TMEM132C: variants seen among roughly 807,000 people sequenced by gnomAD.
TMEM132C encodes protein phosphatase 1, regulatory subunit 152.
In TMEM132C, 29 loss-of-function variants were observed where a neutral mutation model predicts 61.4. The observed-to-expected ratio is 0.47, with a 90% CI of 0.35 to 0.64. The LOEUF (loss-of-function observed/expected upper bound fraction) is 0.64. Ranked by LOEUF, TMEM132C falls within the 30% of genes least tolerant of loss-of-function variation. The pLI, the probability that TMEM132C is intolerant of heterozygous loss-of-function variation, is 0.00. For missense variants in TMEM132C, 1,408 were observed against 1,476.9 expected, an observed-to-expected ratio of 0.95 and a Z score of 0.76; for synonymous variants, 656 against 633.1, an observed-to-expected ratio of 1.04 and a Z score of -0.54.
chr12:128,359,386 A>G (rs773926396), intron 1 of TMEM132C, among the ~76,000 whole-genome samples: 4 of 152,224 alleles, frequency 2.6e-5, no homozygotes, highest in African/African-American at 9.6e-5. Flanking sequence ...CTTATTCACT[A>G]CCATGAGACC....
At chr12:128,526,873 A>G (rs939958610) in intron 2 of TMEM132C, among the ~76,000 whole-genome samples, 4 of 152,154 alleles carry the variant, frequency 2.6e-5, no homozygotes, top group African/African-American at 2.4e-5. Flanking sequence ...GGACTGCAAA[A>G]TGAGGCCAGA....
chr12:128,551,483 A>C (rs1224049963), intron 3 of TMEM132C, among the ~76,000 whole-genome samples: 1 of 152,156 alleles, frequency 6.6e-6, no homozygotes, highest in African/African-American at 2.4e-5. Context: ...AGGTCTGAGC[A>C]TCTCGGCAGT....
At chr12:128,564,566 A>G (rs1874633625) in intron 3 of TMEM132C, among the ~76,000 whole-genome samples, 1 of 152,212 alleles carries the variant, frequency 6.6e-6, no homozygotes, top group African/African-American at 2.4e-5. Flanking sequence ...ACCCTGAGAT[A>G]TGGGTACGAT....
intron 1 of TMEM132C, among the ~76,000 whole-genome samples, chr12:128,379,869 TCAGAGTA>T (rs1255608907): frequency 1.3e-5 from 2 of 152,230 alleles, no homozygotes; most frequent in Non-Finnish European, 2.9e-5. Flanking sequence ...TCTTCTGTGG[TCAGAGTA>T]CAGAGTTCTG....
intron 1 of TMEM132C, among the ~76,000 whole-genome samples, chr12:128,331,948 G>A (rs906152378): frequency 2.0e-5 from 3 of 152,182 alleles, no homozygotes; most frequent in Admixed American, 2.0e-4. Context: ...TAGGCATACA[G>A]AGTATCATAC....
At chr12:128,587,851 AAAGT>A (rs1158695184) in intron 3 of TMEM132C, among the ~76,000 whole-genome samples, 1 of 152,250 alleles carries the variant, frequency 6.6e-6, no homozygotes, top group Non-Finnish European at 1.5e-5. Context: ...GAGAAAACAC[AAAGT>A]AAGTAACAGA....
chr12:128,436,500 C>T (rs541076607), intron 2 of TMEM132C, among the ~76,000 whole-genome samples: 1 of 152,196 alleles, frequency 6.6e-6, no homozygotes, highest in Non-Finnish European at 1.5e-5. Context: ...TGAACAGACA[C>T]TTCTCAAAAG....
At chr12:128,384,512 C>T (rs1874516385) in intron 1 of TMEM132C, among the ~76,000 whole-genome samples, 1 of 152,132 alleles carries the variant, frequency 6.6e-6, no homozygotes, top group Non-Finnish European at 1.5e-5. Context: ...GCAAAGTTTC[C>T]AGGATTCAAA....
rs114903079 is a variant in TMEM132C, at chr12:128,667,869, C to T, written c.1306-1548C>T. 4.9e-3 allele frequency among the ~76,000 whole-genome samples: 749 copies of T among 152,308 alleles called. 11 individuals carry two copies. Among genetic ancestry groups the T allele is most frequent in the African/African-American group, 0.016 (681 of 41,568 alleles). On this transcript the variant is annotated intron_variant, in intron 4 of 8. Coordinates refer to ENST00000435159, the MANE Select transcript of TMEM132C (RefSeq NM_001136103.3). ...GAGAGGTGTGACACTAATAGTTTTGCGTGAAGTCGTCTGAGCAGGATAAAT... is the reference window on the plus strand; with the variant it reads ...GAGAGGTGTGACACTAATAGTTTTGTGTGAAGTCGTCTGAGCAGGATAAAT...
intron 1 of TMEM132C, among the ~76,000 whole-genome samples, chr12:128,383,212 A>T (rs1478790349): frequency 6.6e-6 from 1 of 152,088 alleles, no homozygotes; most frequent in Non-Finnish European, 1.5e-5. Flanking sequence ...ACATGTGTGT[A>T]TGAGCATATA....
intron 4 of TMEM132C, among the ~76,000 whole-genome samples, chr12:128,634,982 C>T (rs1251159201): frequency 6.6e-6 from 1 of 152,194 alleles, no homozygotes; most frequent in African/African-American, 2.4e-5. Flanking sequence ...AACTGTCAGG[C>T]AGCTGTAGGG....
At chr12:128,330,936 G>A (rs892357586) in intron 1 of TMEM132C, among the ~76,000 whole-genome samples, 1 of 152,140 alleles carries the variant, frequency 6.6e-6, no homozygotes, top group Non-Finnish European at 1.5e-5. Flanking sequence ...ATAGCATAGT[G>A]AATGAGATAA....
Position 128,558,331 on chromosome 12 carries a change from C to T in TMEM132C, c.1121+14228C>T, listed in dbSNP as rs150390912. 1.9e-3 allele frequency among the ~76,000 whole-genome samples: 293 copies of T among 152,224 alleles called. 1 individual carries two copies. Among genetic ancestry groups the T allele is most frequent in the African/African-American group, 6.6e-3 (275 of 41,558 alleles). ...ATCCCCACATGTCATGGGAGGGACC[C>T]GGTGGGAGGGAATTGAATCATGGGG... On this transcript the variant is annotated intron_variant, in intron 3 of 8. Coordinates refer to ENST00000435159, the MANE Select transcript of TMEM132C (RefSeq NM_001136103.3).
At chr12:128,610,666 C>G (rs1009823472) in intron 3 of TMEM132C, among the ~76,000 whole-genome samples, 2 of 152,142 alleles carry the variant, frequency 1.3e-5, no homozygotes, top group African/African-American at 4.8e-5. Flanking sequence ...GACTCTTGGT[C>G]CCTTCAAGGC....
At chr12:128,482,682 C>A (rs1016476101) in intron 2 of TMEM132C, among the ~76,000 whole-genome samples, 1 of 152,122 alleles carries the variant, frequency 6.6e-6, no homozygotes, top group African/African-American at 2.4e-5. Flanking sequence ...GATTCGACTT[C>A]TTCCTGGTTT....
At position 128,354,591 on chromosome 12, in the gene TMEM132C, C is replaced by T. The variant is rs115085864; in HGVS notation, c.86-60141C>T. Among the ~76,000 whole-genome samples the T allele has an allele frequency of 7.3e-3, 1,104 of 151,978 alleles. 14 individuals are homozygous for T. The highest frequency in any genetic ancestry group is 0.024 in the African/African-American group (989 of 41,388). ...CACAACAGGGTGTCTAAATTCAAAA[C>T]CACAGCTTTCTCTGGGATTCCACCA... On this transcript the variant is annotated intron_variant, in intron 1 of 8. Coordinates refer to ENST00000435159, the MANE Select transcript of TMEM132C (RefSeq NM_001136103.3).
chr12:128,693,921 C>G lies in TMEM132C; in HGVS notation c.1542C>G (p.Ser514Arg), dbSNP rs771980544. The change falls in exon 6 of 9, where the codon AGC (serine) becomes AGG (arginine). Residue 514 changes from serine (S) to arginine (R), a missense_variant. Transcript: ENST00000435159. ...TGAACTTCACATACCAGTACCTGAG[C>G]GCCCCCCTGTGTGTCACCGTGTGGG... ...AVVNFTYQYL[S>R]APLCVTVWVP... is the part of the protein sequence containing the mutation. 10 of 1,551,632 alleles carry G rather than the reference C, an allele frequency of 6.4e-6. No individual in the cohort carries two copies. In the East Asian group the frequency reaches 2.2e-4, roughly 34 times the overall value.
At chr12:128,292,430 G>A (rs150615579) in intron 1 of TMEM132C, among the ~76,000 whole-genome samples, 3 of 152,130 alleles carry the variant, frequency 2.0e-5, no homozygotes, top group African/African-American at 7.2e-5. Flanking sequence ...TTTGTCAATG[G>A]TTTTTTCTAA....
At chr12:128,662,999 C>T (rs11059810) in intron 4 of TMEM132C, among the ~76,000 whole-genome samples, 112,976 of 152,122 alleles carry the variant, frequency 0.74, 42,292 homozygotes, top group African/African-American at 0.85. Context: ...TCTGAGGCCA[C>T]GCGGGAGCCC....
Sources: gnomAD v4.1 joint callset for allele counts (sites outside exome capture counted in the v4.1 genomes callset) on GRCh38, gnomAD v4.1.1 for gene constraint, MANE v1.5 for transcripts, NCBI Gene and HGNC (gene_info 2026-07-23, HGNC 2026-07-21) for gene names.